The following TBC1D8 variants were observed in gnomAD, a reference collection of about 807,000 sequenced individuals.
TBC1D8 encodes TBC1 domain family member 8, also known as BUB2-like protein 1.
A neutral mutation model predicts 118.8 loss-of-function variants in TBC1D8; 65 were observed. The observed-to-expected ratio is 0.55, with a 90% CI of 0.45 to 0.67. TBC1D8 has a LOEUF of 0.67. Ranked by LOEUF, TBC1D8 falls within the 30% of genes least tolerant of loss-of-function variation. The pLI is 0.00. For synonymous variants in TBC1D8, 566 were observed against 595.8 expected (o/e 0.95, Z 0.73); for missense variants, 1,376 against 1,471.2 (o/e 0.94, Z 1.06).
In TBC1D8 at chr2:101,031,375, T is replaced by C. The variant is rs554672755; in HGVS notation, c.1936+893A>G. Reference sequence around the variant, plus strand: ...CACACCACCCACCTGCCCCTCCTTATTCCTAGAGGCCACCCTTCAGTCCTT... The same window carrying C: ...CACACCACCCACCTGCCCCTCCTTACTCCTAGAGGCCACCCTTCAGTCCTT... On this transcript the variant is annotated intron_variant, in intron 11 of 19. Transcript: ENST00000409318. 1.3e-4 allele frequency among the ~76,000 whole-genome samples: 20 copies of C among 152,270 alleles called. 1 individual carries two copies. In the South Asian group the frequency reaches 4.1e-3, roughly 32 times the overall value.
At position 101,076,560 on chromosome 2, in the gene TBC1D8, A is replaced by T. The variant is rs184037564; in HGVS notation, c.283+13649T>A. ...ACATGAAGAAAAGTGCACAAAGTTAAATGATGCCCTGAGGGAGAAAACAGA... is the reference window on the plus strand; with the variant it reads ...ACATGAAGAAAAGTGCACAAAGTTATATGATGCCCTGAGGGAGAAAACAGA... On this transcript the variant is annotated intron_variant, in intron 2 of 19. Coordinates refer to ENST00000409318, the MANE Select transcript of TBC1D8 (RefSeq NM_001330348.2). Among the ~76,000 whole-genome samples the T allele has an allele frequency of 3.9e-5, 6 of 152,368 alleles. No individual in the cohort carries two copies. The East Asian group carries it at 1.2e-3, about 29-fold the overall frequency.
intron 2 of TBC1D8, among the ~76,000 whole-genome samples, chr2:101,077,447 CTG>C (rs1181707108): frequency 2.6e-5 from 4 of 152,124 alleles, no homozygotes; most frequent in Non-Finnish European, 5.9e-5. Context: ...CGGGGTTTCA[CTG>C]TGTTAGCCAG....
At chr2:101,035,675 T>C (rs1680961779) in intron 9 of TBC1D8, among the ~76,000 whole-genome samples, 1 of 152,142 alleles carries the variant, frequency 6.6e-6, no homozygotes, top group Non-Finnish European at 1.5e-5. Flanking sequence ...TTCATCTACT[T>C]CAGAGCTCAC....
At chr2:101,123,769 T>G (rs732136) in intron 1 of TBC1D8, among the ~76,000 whole-genome samples, 24,209 of 152,126 alleles carry the variant, frequency 0.16, 1,996 homozygotes, top group African/African-American at 0.2. Context: ...AGTCTTATGA[T>G]AAAGGAACAG....
At chr2:101,032,716 C>A (rs569919517) in intron 10 of TBC1D8, 192 of 227,996 alleles carry the variant, frequency 8.4e-4, no homozygotes, top group South Asian at 1.1e-3. Context: ...CACGTGCACA[C>A]ACAAACTTAA....
chr2:101,043,235 G>C (rs1339068408), intron 5 of TBC1D8, among the ~76,000 whole-genome samples: 1 of 152,152 alleles, frequency 6.6e-6, no homozygotes, highest in African/African-American at 2.4e-5. Flanking sequence ...GAGGAGCTGG[G>C]AGAACACAGG....
At chr2:101,022,561 T>C in intron 15 of TBC1D8, 40 bp from the exon 16 acceptor site, 1 of 1,571,026 alleles carries the variant, frequency 6.4e-7, no homozygotes. Context: ...TACCACTTAT[T>C]GAACAAGCCA....
intron 17 of TBC1D8, among the ~76,000 whole-genome samples, chr2:101,013,535 G>C (rs1225403706): frequency 1.3e-5 from 2 of 152,122 alleles, no homozygotes; most frequent in Non-Finnish European, 1.5e-5. Context: ...ATTTACATTT[G>C]GTCATCTGAA....
intron 1 of TBC1D8, among the ~76,000 whole-genome samples, chr2:101,150,543 G>A (rs779607411): frequency 1.3e-5 from 2 of 152,212 alleles, no homozygotes; most frequent in African/African-American, 4.8e-5. Context: ...CTGAAAGAGA[G>A]GAAAAAACTG....
chr2:101,146,672 G>A (rs1034392384), intron 1 of TBC1D8, among the ~76,000 whole-genome samples: 6 of 151,960 alleles, frequency 3.9e-5, no homozygotes, highest in Admixed American at 6.6e-5. Context: ...TATCCAATTC[G>A]GGTAGTTAGC....
chr2:101,069,115 T>A (rs534498387), intron 2 of TBC1D8, among the ~76,000 whole-genome samples: 1 of 149,936 alleles, frequency 6.7e-6, no homozygotes, highest in East Asian at 2.0e-4. Context: ...CTGGCCAATA[T>A]GGTGAAACCC....
In TBC1D8 at chr2:101,035,967, T is replaced by A. The variant is rs536217235; in HGVS notation, c.1603+51A>T. ...GCGCTGCTCGGGTCCGGGCTGTTCC[T>A]GTGTCCATGACAAAAAGAACAATTA... On this transcript the variant is annotated intron_variant, in intron 9 of 19. Coordinates refer to ENST00000409318, the MANE Select transcript of TBC1D8 (RefSeq NM_001330348.2). 6 of 1,604,972 alleles carry A rather than the reference T, an allele frequency of 3.7e-6. No homozygotes were observed. The East Asian group carries it at 8.9e-5, about 24-fold the overall frequency.
chr2:101,027,388 A>AT lies in TBC1D8; in HGVS notation c.2514dup (p.Phe839IlefsTer29). The AT allele has an allele frequency of 6.2e-7, 1 of 1,613,036 alleles. No individual in the cohort carries two copies. Among genetic ancestry groups the AT allele is most frequent in the South Asian group, 1.1e-5 (1 of 91,056 alleles). ...ATCTTCCCAGAGCTGCGTACCTTGA[A>AT]TAAGTCGTAGAGCTCCTCTAGGTCT... On this transcript the variant is annotated frameshift_variant, in exon 15 of 20. Transcript: ENST00000409318. LOFTEE classifies it high-confidence loss of function.
At chr2:101,114,041 G>A (rs941460152) in intron 1 of TBC1D8, among the ~76,000 whole-genome samples, 1 of 152,194 alleles carries the variant, frequency 6.6e-6, no homozygotes, top group Admixed American at 6.5e-5. Context: ...TCCCCTAGGG[G>A]AAGGATGAAT....
rs1463727121 is a variant in TBC1D8 at position 101,032,276 on chromosome 2, C to T, written c.1928G>A (p.Arg643Gln). ...ERMLPDYFNH[R>Q]VIGAQVDQSV... is the part of the protein sequence containing the mutation. ...GAAGGGGGTCTGTTTACCGATCACT[C>T]GGTGGTTGAAGTAATCGGGCAGCAT... is the stretch of plus-strand genomic sequence containing the variant. The change falls in exon 11 of 20, where the codon CGA becomes CAA. Residue 643 changes from arginine (R) to glutamine (Q), a missense_variant. Transcript: ENST00000409318. The T allele has an allele frequency of 2.0e-5, 33 of 1,613,718 alleles. No homozygotes were observed. The highest frequency in any genetic ancestry group is 3.3e-4 in the Middle Eastern group (2 of 6,062).
At chr2:101,062,831 G>A (rs879277612) in intron 2 of TBC1D8, among the ~76,000 whole-genome samples, 9 of 152,026 alleles carry the variant, frequency 5.9e-5, no homozygotes, top group African/African-American at 2.2e-4. Context: ...TAGTAGAGAC[G>A]GGGTTTCACC....
intron 1 of TBC1D8, among the ~76,000 whole-genome samples, chr2:101,095,143 G>C (rs1006110460): frequency 1.3e-5 from 2 of 152,130 alleles, no homozygotes; most frequent in Non-Finnish European, 2.9e-5. Context: ...AAGAGCCAGG[G>C]AAGATCCTCT....
At chr2:101,013,284 CAGA>C (rs1294134833) in intron 17 of TBC1D8, among the ~76,000 whole-genome samples, 54 of 152,282 alleles carry the variant, frequency 3.5e-4, no homozygotes, top group Non-Finnish European at 1.3e-4. Context: ...TATTGATGAT[CAGA>C]AGGATAGGAT....
intron 3 of TBC1D8, among the ~76,000 whole-genome samples, chr2:101,058,642 T>G (rs977738341): frequency 1.3e-5 from 2 of 152,066 alleles, no homozygotes; most frequent in African/African-American, 4.8e-5. Flanking sequence ...AACTCAAAAC[T>G]TAATTGGCTT....
Sources: allele counts gnomAD v4.1 joint callset (sites outside exome capture counted in the v4.1 genomes callset), GRCh38; gene constraint gnomAD v4.1.1; transcripts MANE v1.5; gene names NCBI Gene and HGNC (gene_info 2026-07-23, HGNC 2026-07-21).